Variants in ARID4B observed in about 807,000 individuals in gnomAD.
The protein encoded by ARID4B is AT-rich interactive domain-containing protein 4B.
In ARID4B, 26 loss-of-function variants were observed where a neutral mutation model predicts 147.5. The ratio of observed to expected loss-of-function variants is 0.18; its 90% confidence interval spans 0.13 to 0.24. ARID4B has a LOEUF of 0.24. ARID4B is among the 10% of genes least tolerant of loss of function. ARID4B has a pLI of 1.00. For synonymous variants in ARID4B, 512 were observed against 507.9 expected, an observed-to-expected ratio of 1.01 and a Z score of -0.11; for missense variants, 1,179 against 1,511.5, an observed-to-expected ratio of 0.78 and a Z score of 3.65.
chr1:235,275,295 G>T lies in ARID4B; in HGVS notation c.7-14543C>A, dbSNP rs567340221. Among the ~76,000 whole-genome samples, 111 of 152,298 alleles carry T rather than the reference G, an allele frequency of 7.3e-4. 1 individual carries two copies. Among genetic ancestry groups the T allele is most frequent in the Non-Finnish European group, 5.1e-4 (35 of 68,038 alleles). ...CTAGCCACCTGATCCAAACTGGGCC[G>T]ATCGGTTTTACTCTGCTATGAAGTT... On this transcript the variant is annotated intron_variant, in intron 2 of 23. Coordinates refer to ENST00000264183, the MANE Select transcript of ARID4B (RefSeq NM_016374.6).
At chr1:235,231,286 T>G (rs1442643405) in intron 9 of ARID4B, 97 bp from the exon 10 acceptor site, 4 of 653,694 alleles carry the variant, frequency 6.1e-6, no homozygotes, top group Non-Finnish European at 7.6e-6. Context: ...AGAAAGATAC[T>G]GAAAATATGG....
intron 8 of ARID4B, among the ~76,000 whole-genome samples, chr1:235,235,067 G>A (rs1235632320): frequency 6.6e-6 from 1 of 152,178 alleles, no homozygotes; most frequent in Non-Finnish European, 1.5e-5. Context: ...ATGTAAAGTG[G>A]TGGCAATGGC....
intron 13 of ARID4B, among the ~76,000 whole-genome samples, chr1:235,222,369 G>A (rs1043777258): frequency 2.0e-5 from 3 of 152,164 alleles, no homozygotes; most frequent in Non-Finnish European, 4.4e-5. Flanking sequence ...GCAGAAATTT[G>A]TAAAGTATTT....
chr1:235,186,262 T>G (rs954087080), intron 19 of ARID4B, among the ~76,000 whole-genome samples: 1 of 151,816 alleles, frequency 6.6e-6, no homozygotes, highest in Admixed American at 6.6e-5. Context: ...CCACCGCGCC[T>G]GGCCTCTCTC....
At chr1:235,249,089 T>C (rs907576987) in intron 6 of ARID4B, among the ~76,000 whole-genome samples, 7 of 152,084 alleles carry the variant, frequency 4.6e-5, no homozygotes, top group Admixed American at 2.0e-4. Context: ...TCCCAGCACT[T>C]TGGGAGGCCA....
chr1:235,243,188 AT>A (rs1158356162), intron 7 of ARID4B, among the ~76,000 whole-genome samples: 1 of 151,882 alleles, frequency 6.6e-6, no homozygotes, highest in Non-Finnish European at 1.5e-5. Context: ...AGATGCATTT[AT>A]TTTTTTATTA....
intron 17 of ARID4B, among the ~76,000 whole-genome samples, chr1:235,205,305 A>G (rs746252839): frequency 6.6e-6 from 1 of 152,212 alleles, no homozygotes; most frequent in Admixed American, 6.5e-5. Context: ...TGACTTAAAA[A>G]TTTTTTAAGG....
At chr1:235,287,181 C>T (rs995552960) in intron 2 of ARID4B, among the ~76,000 whole-genome samples, 1 of 152,176 alleles carries the variant, frequency 6.6e-6, no homozygotes, top group South Asian at 2.1e-4. Flanking sequence ...ATTGCTTGAA[C>T]CCAAGAGGCG....
intron 4 of ARID4B, 70 bp downstream of exon 4, chr1:235,257,090 T>C (rs1670032635): frequency 9.5e-7 from 1 of 1,048,066 alleles, no homozygotes; most frequent in African/African-American, 1.6e-5. Context: ...AAAGAGCCAA[T>C]GAATTAATAC....
intron 2 of ARID4B, among the ~76,000 whole-genome samples, chr1:235,322,652 A>T (rs1411959272): frequency 1.3e-5 from 2 of 152,196 alleles, no homozygotes; most frequent in Non-Finnish European, 2.9e-5. Context: ...TAGATATGCT[A>T]GGAGTTTTGC....
chr1:235,277,241 C>G (rs7531130), intron 2 of ARID4B, among the ~76,000 whole-genome samples: 70,786 of 151,574 alleles, frequency 0.47, 16,849 homozygotes, highest in South Asian at 0.6. Context: ...GAGAGACTCT[C>G]TCTCTAAAAT....
chr1:235,309,880 C>T (rs1051512061), intron 2 of ARID4B, among the ~76,000 whole-genome samples: 1 of 152,204 alleles, frequency 6.6e-6, no homozygotes, highest in South Asian at 2.1e-4. Context: ...TTACTTACCC[C>T]CAACCCTGTG....
intron 2 of ARID4B, among the ~76,000 whole-genome samples, chr1:235,278,461 A>G (rs983691220): frequency 7.9e-5 from 12 of 152,104 alleles, no homozygotes; most frequent in East Asian, 1.9e-4. Context: ...AAATCCCTTA[A>G]AATAGTCTAG....
At chr1:235,211,186 T>C (rs1666695301) in intron 17 of ARID4B, among the ~76,000 whole-genome samples, 1 of 151,988 alleles carries the variant, frequency 6.6e-6, no homozygotes, top group African/African-American at 2.4e-5. Flanking sequence ...ATACAAAAAT[T>C]AGCTGGGCGT....
chr1:235,207,046 A>G (rs908539161), intron 17 of ARID4B, among the ~76,000 whole-genome samples: 2 of 152,356 alleles, frequency 1.3e-5, no homozygotes, highest in East Asian at 3.9e-4. Context: ...CTGGCTTCAG[A>G]CAGTAGCATG....
intron 21 of ARID4B, among the ~76,000 whole-genome samples, chr1:235,177,146 T>C (rs1285910344): frequency 2.0e-5 from 3 of 152,224 alleles, no homozygotes; most frequent in African/African-American, 7.2e-5. Context: ...GTTCTAAAGT[T>C]ATCTTGATTG....
chr1:235,267,807 G>A (rs763143034), intron 2 of ARID4B, among the ~76,000 whole-genome samples: 2 of 152,150 alleles, frequency 1.3e-5, no homozygotes, highest in Non-Finnish European at 1.5e-5. Flanking sequence ...GGGAGGCTGA[G>A]GCAGGAGAAT....
intron 2 of ARID4B, among the ~76,000 whole-genome samples, chr1:235,320,527 G>A (rs1674747724): frequency 6.6e-6 from 1 of 151,954 alleles, no homozygotes. Context: ...TGATCTGTTC[G>A]AACCCATGAT....
intron 2 of ARID4B, among the ~76,000 whole-genome samples, chr1:235,319,817 C>G (rs148782765): frequency 7.6e-4 from 116 of 152,066 alleles, no homozygotes; most frequent in Non-Finnish European, 1.3e-3. Flanking sequence ...CATGGTGAAA[C>G]CCCATTGCTA....
Sources: allele counts gnomAD v4.1 joint callset (sites outside exome capture counted in the v4.1 genomes callset), GRCh38; gene constraint gnomAD v4.1.1; transcripts MANE v1.5; gene names NCBI Gene and HGNC (gene_info 2026-07-23, HGNC 2026-07-21).